Variants in MALRD1 observed in about 807,000 individuals in gnomAD.
MALRD1 encodes the protein MAM and LDL-receptor class A domain-containing protein 1.
Under a neutral mutation model 242.1 loss-of-function variants are expected in MALRD1, and 247 were observed. The ratio of observed to expected loss-of-function variants is 1.02; its 90% confidence interval spans 0.92 to 1.13. MALRD1 has a LOEUF of 1.13. Among genes scored for constraint, MALRD1 ranks in the 50% most tolerant of loss-of-function variants. The pLI is 0.00. For missense variants in MALRD1, 2,989 were observed against 2,533.1 expected (o/e 1.18, Z -3.86); for synonymous variants, 995 against 866.6 (o/e 1.15, Z -2.60).
chr10:19,144,117 T>G (rs1833644014), intron 10 of MALRD1, among the ~76,000 whole-genome samples: 1 of 152,198 alleles, frequency 6.6e-6, no homozygotes, highest in African/African-American at 2.4e-5. Context: ...TTTTTATTAT[T>G]ATGCTGTAGT....
intron 26 of MALRD1, among the ~76,000 whole-genome samples, chr10:19,375,555 A>G (rs775672862): frequency 6.6e-6 from 1 of 152,170 alleles, no homozygotes; most frequent in Non-Finnish European, 1.5e-5. Flanking sequence ...GTCACCCGCC[A>G]TGCTCTCCTA....
intron 29 of MALRD1, among the ~76,000 whole-genome samples, chr10:19,480,138 A>G (rs1382082495): frequency 6.6e-6 from 1 of 152,224 alleles, no homozygotes; most frequent in Non-Finnish European, 1.5e-5. Flanking sequence ...CGGACCACAC[A>G]TGGATGCTTA....
At chr10:19,523,696 A>G (rs1396003293) in intron 31 of MALRD1, among the ~76,000 whole-genome samples, 2 of 152,182 alleles carry the variant, frequency 1.3e-5, no homozygotes, top group Non-Finnish European at 2.9e-5. Context: ...TCACTTATAT[A>G]TCATCTTCCT....
At chr10:19,545,799 G>A (rs956336167) in intron 32 of MALRD1, among the ~76,000 whole-genome samples, 1 of 152,100 alleles carries the variant, frequency 6.6e-6, no homozygotes, top group Non-Finnish European at 1.5e-5. Flanking sequence ...AATTCACGAC[G>A]TTTTCAGCTT....
At chr10:19,101,160 G>C (rs1034422830) in intron 4 of MALRD1, among the ~76,000 whole-genome samples, 1 of 150,716 alleles carries the variant, frequency 6.6e-6, no homozygotes, top group East Asian at 1.9e-4. Context: ...GAAAACTGAG[G>C]TACAGAGATG....
intron 33 of MALRD1, among the ~76,000 whole-genome samples, chr10:19,579,930 G>A (rs959093137): frequency 3.9e-5 from 6 of 152,208 alleles, no homozygotes; most frequent in Admixed American, 6.5e-5. Flanking sequence ...GTCAATATGA[G>A]CTAGAGCTAT....
chr10:19,072,919 CT>C (rs1554782450), intron 2 of MALRD1, among the ~76,000 whole-genome samples: 1 of 151,644 alleles, frequency 6.6e-6, no homozygotes, highest in African/African-American at 2.4e-5. Context: ...CCTTCCCCCC[CT>C]TTTTTTTCTG....
chr10:19,105,709 G>A (rs946087317), intron 5 of MALRD1, among the ~76,000 whole-genome samples: 5 of 151,862 alleles, frequency 3.3e-5, no homozygotes, highest in Admixed American at 1.3e-4. Context: ...TTGACTTTTT[G>A]ATAGTAGCCA....
At chr10:19,119,565 C>A (rs992762101) in intron 5 of MALRD1, among the ~76,000 whole-genome samples, 9 of 152,044 alleles carry the variant, frequency 5.9e-5, no homozygotes, top group Non-Finnish European at 1.2e-4. Context: ...GTTGAGGCCA[C>A]AAGATCAGAT....
chr10:19,236,601 C>G (rs531910422), intron 18 of MALRD1, among the ~76,000 whole-genome samples: 1 of 152,068 alleles, frequency 6.6e-6, no homozygotes, highest in East Asian at 1.9e-4. Context: ...AGATAAAATG[C>G]CAACTTTCTA....
In MALRD1 at chr10:19,147,213, A is replaced by C. The variant is rs147625875; in HGVS notation, c.1558+869A>C. ...TGTAGATCATCTTTCAACCTCATTG[A>C]ACATTATCCTATTTGTTTCTTCTTT... On this transcript the variant is annotated intron_variant, in intron 11 of 39. Transcript: ENST00000454679. Among the ~76,000 whole-genome samples, 198 of 152,318 alleles carry C rather than the reference A, an allele frequency of 1.3e-3. 1 individual carries two copies. Among genetic ancestry groups the C allele is most frequent in the Middle Eastern group, 3.4e-3 (1 of 294 alleles).
chr10:19,580,286 T>G (rs766330895), intron 33 of MALRD1, among the ~76,000 whole-genome samples: 5 of 152,218 alleles, frequency 3.3e-5, no homozygotes, highest in Non-Finnish European at 4.4e-5. Context: ...GAGGAATTCT[T>G]TATAATCCTG....
In MALRD1 at chr10:19,607,772, TG is replaced by T; in HGVS notation, c.5945-4del. ...TCCCTGATCATTATTCTTTTTTTTTTGCAGCCAACAAAAGCTGTTCTAATGG... is the reference window on the plus strand; with the variant it reads ...TCCCTGATCATTATTCTTTTTTTTTTCAGCCAACAAAAGCTGTTCTAATGG... On this transcript the variant is annotated splice_region_variant and splice_polypyrimidine_tract_variant and intron_variant, in intron 34 of 39. Transcript: ENST00000454679. The T allele has an allele frequency of 6.5e-7, 1 of 1,545,036 alleles. No homozygotes were observed. Among genetic ancestry groups the T allele is most frequent in the Non-Finnish European group, 8.7e-7 (1 of 1,145,050 alleles).
At chr10:19,303,237 T>G (rs1040809016) in intron 21 of MALRD1, among the ~76,000 whole-genome samples, 1 of 151,596 alleles carries the variant, frequency 6.6e-6, no homozygotes, top group Non-Finnish European at 1.5e-5. Flanking sequence ...CAAGCTGGCA[T>G]AACAATATAA....
At chr10:19,466,495 T>C (rs1192551531) in intron 29 of MALRD1, among the ~76,000 whole-genome samples, 3 of 152,178 alleles carry the variant, frequency 2.0e-5, no homozygotes, top group African/African-American at 7.2e-5. Context: ...AGACTAGGCA[T>C]CTTAAACAAG....
At chr10:19,563,635 T>C (rs1177958879) in intron 32 of MALRD1, among the ~76,000 whole-genome samples, 1 of 152,220 alleles carries the variant, frequency 6.6e-6, no homozygotes, top group East Asian at 1.9e-4. Flanking sequence ...TCAGTGCCAG[T>C]GACCTGCCTT....
intron 26 of MALRD1, among the ~76,000 whole-genome samples, chr10:19,368,292 A>G (rs929262216): frequency 6.6e-6 from 1 of 151,966 alleles, no homozygotes; most frequent in African/African-American, 2.4e-5. Context: ...TTAATTTTGT[A>G]TAGGCTGAGA....
intron 36 of MALRD1, among the ~76,000 whole-genome samples, chr10:19,643,111 G>A (rs1440320471): frequency 6.6e-6 from 1 of 151,996 alleles, no homozygotes; most frequent in Non-Finnish European, 1.5e-5. Flanking sequence ...GTAGTAATGT[G>A]GTAATTAGTA....
intron 2 of MALRD1, among the ~76,000 whole-genome samples, chr10:19,072,548 C>T (rs886636683): frequency 5.3e-5 from 8 of 151,932 alleles, no homozygotes; most frequent in Admixed American, 1.3e-4. Context: ...TTGCTGCCCC[C>T]GTGTCTGTTC....
Sources: allele counts gnomAD v4.1 joint callset (sites outside exome capture counted in the v4.1 genomes callset), GRCh38; gene constraint gnomAD v4.1.1; transcripts MANE v1.5; gene names NCBI Gene and HGNC (gene_info 2026-07-23, HGNC 2026-07-21).